Variants in CECR2 observed in about 807,000 individuals in gnomAD.
CECR2 encodes the protein CECR2 histone acetyl-lysine reader.
A neutral mutation model predicts 154.5 loss-of-function variants in CECR2; 30 were observed. That is an observed-to-expected ratio of 0.19 (90% CI 0.15 to 0.26). The LOEUF (loss-of-function observed/expected upper bound fraction) is 0.26, where lower values mean the gene tolerates loss of function less well. Ranked by LOEUF, CECR2 falls within the 10% of genes least tolerant of loss-of-function variation. The pLI is 1.00. For missense variants in CECR2, 1,743 were observed against 1,829.3 expected (o/e 0.95, Z 0.86); for synonymous variants, 725 against 683.7 (o/e 1.06, Z -0.94).
At chr22:17,483,736 T>A (rs1005366980) in intron 2 of CECR2, among the ~76,000 whole-genome samples, 27 of 152,360 alleles carry the variant, frequency 1.8e-4, no homozygotes, top group South Asian at 4.1e-4. Flanking sequence ...AGGTTTTTTT[T>A]AAAATAAACA....
intron 9 of CECR2, 34 bp downstream of exon 9, chr22:17,524,305 C>T (rs1222913650): frequency 2.1e-5 from 34 of 1,597,776 alleles, no homozygotes; most frequent in Non-Finnish European, 2.8e-5. Context: ...TGGAGAGGTG[C>T]ATGTCTGTCG....
chr22:17,535,878 G>A (rs2018494), intron 9 of CECR2, among the ~76,000 whole-genome samples: 7,193 of 152,192 alleles, frequency 0.047, 392 homozygotes, highest in African/African-American at 0.13. Flanking sequence ...AACCCAACAG[G>A]GATCGTGTCT....
At chr22:17,382,602 C>T (rs1362680437) in intron 1 of CECR2, among the ~76,000 whole-genome samples, 3 of 152,132 alleles carry the variant, frequency 2.0e-5, no homozygotes, top group Non-Finnish European at 1.5e-5. Context: ...AATGTATATA[C>T]CTTAATTAAA....
In CECR2 at chr22:17,554,044, A is replaced by G. The variant is rs1043527984; in HGVS notation, c.*1204A>G. ...AATCATAGTAAAATCAGTCATGGTG[A>G]TTTAAAATAGCTATCAAGAACAAGT... On this transcript the variant is annotated 3_prime_UTR_variant, in exon 19 of 19. Transcript: ENST00000262608. 3.9e-4 allele frequency: 60 copies of G among 152,226 alleles called. No individual in the cohort carries two copies. Among genetic ancestry groups the G allele is most frequent in the African/African-American group, 1.4e-3 (56 of 41,466 alleles). 9.4% of individuals were successfully genotyped at this position (152,226 alleles called of 1,614,324 possible). A position where few individuals can be genotyped will look rare whatever the true frequency, so the allele number is the denominator to read the frequency against.
rs695634 is a variant in CECR2 at position 17,532,700 on chromosome 22, C to CTTTTTTTTTT, written c.1109-4377_1109-4368dup. ...CCAAGTAGGTATATTCATTATTATT[C>CTTTTTTTTTT]TTTTTTTTTTTTTTTTTTTTTTTTT... On this transcript the variant is annotated intron_variant, in intron 9 of 18. Transcript: ENST00000262608. 6.4e-3 allele frequency among the ~76,000 whole-genome samples: 229 copies of CTTTTTTTTTT among 35,800 alleles called. 49 individuals are homozygous for CTTTTTTTTTT. Among genetic ancestry groups the CTTTTTTTTTT allele is most frequent in the Non-Finnish European group, 8.0e-3 (172 of 21,422 alleles). The allele number at this position is 35,800 out of a possible 152,430, so 23.5% of individuals were successfully genotyped here.
intron 1 of CECR2, among the ~76,000 whole-genome samples, chr22:17,434,702 TTG>T (rs2054477332): frequency 2.0e-5 from 3 of 150,704 alleles, no homozygotes; most frequent in Admixed American, 6.6e-5. Flanking sequence ...TATGTTCTGT[TTG>T]TGTGTATTTT....
chr22:17,436,747 A>G (rs2054512456), intron 1 of CECR2, among the ~76,000 whole-genome samples: 1 of 152,212 alleles, frequency 6.6e-6, no homozygotes, highest in African/African-American at 2.4e-5. Flanking sequence ...CTCTAGAAAA[A>G]GGGGCGGAGG....
intron 1 of CECR2, among the ~76,000 whole-genome samples, chr22:17,390,120 TCAGGCATTC>T: frequency 6.6e-6 from 1 of 152,356 alleles, no homozygotes; most frequent in Admixed American, 6.5e-5. Flanking sequence ...CAGTCTAGGA[TCAGGCATTC>T]CATTAGTTGT....
At chr22:17,536,941 G>C (rs1361689751) in intron 9 of CECR2, among the ~76,000 whole-genome samples, 162 bp from the exon 10 acceptor site, 1 of 152,104 alleles carries the variant, frequency 6.6e-6, no homozygotes, top group African/African-American at 2.4e-5. Context: ...TCCATCTGTA[G>C]AAACATCCTA....
chr22:17,376,095 G>A (rs984517600), intron 1 of CECR2, among the ~76,000 whole-genome samples: 1 of 152,190 alleles, frequency 6.6e-6, no homozygotes, highest in African/African-American at 2.4e-5. Flanking sequence ...GTGAATTACA[G>A]AAGGACAGAT....
Position 17,477,925 on chromosome 22 carries a change from T to A in CECR2, c.221+243T>A, listed in dbSNP as rs1330333045. ...CAAATCCATATCACTTACTCTTGGA[T>A]ACCCCAGCTAACATATTTTAGTGTA... On this transcript the variant is annotated intron_variant, in intron 2 of 18. Transcript: ENST00000262608. 3.9e-5 allele frequency among the ~76,000 whole-genome samples: 6 copies of A among 152,260 alleles called. No homozygotes were observed. The South Asian group carries it at 8.3e-4, about 21-fold the overall frequency.
In CECR2 at chr22:17,552,970, C is replaced by A; in HGVS notation, c.*130C>A. 6.7e-7 allele frequency: 1 copy of A among 1,489,006 alleles called. No homozygotes were observed. The highest frequency in any genetic ancestry group is 2.6e-5 in the Admixed American group (1 of 38,400). 92.2% of individuals were successfully genotyped at this position (1,489,006 alleles called of 1,614,324 possible). On this transcript the variant is annotated 3_prime_UTR_variant, in exon 19 of 19. Coordinates refer to ENST00000262608, the MANE Select transcript of CECR2 (RefSeq NM_001290047.2). ...CCCCTTCACGGCGACCCACTCGTGCCATACTTGAGCTGGAGCCAGTCACGG... is the reference window on the plus strand; with the variant it reads ...CCCCTTCACGGCGACCCACTCGTGCAATACTTGAGCTGGAGCCAGTCACGG...
intron 1 of CECR2, among the ~76,000 whole-genome samples, chr22:17,417,984 T>A (rs1555906360): frequency 6.6e-6 from 1 of 150,878 alleles, no homozygotes; most frequent in Non-Finnish European, 1.5e-5. Flanking sequence ...TTCTTAGCCT[T>A]AAAAAAAAAC....
At chr22:17,444,597 C>T (rs902944532) in intron 1 of CECR2, among the ~76,000 whole-genome samples, 3 of 151,832 alleles carry the variant, frequency 2.0e-5, no homozygotes, top group South Asian at 2.1e-4. Context: ...CTAGCCTGGG[C>T]GACAAAGTGA....
chr22:17,364,062 T>C (rs2062989277), intron 1 of CECR2, among the ~76,000 whole-genome samples: 1 of 151,878 alleles, frequency 6.6e-6, no homozygotes, highest in African/African-American at 2.4e-5. Context: ...TGTGCCATAC[T>C]CCCGGGCGCG....
intron 1 of CECR2, chr22:17,477,042 A>T (rs2055219318): frequency 2.8e-6 from 2 of 702,606 alleles, no homozygotes; most frequent in East Asian, 5.4e-5. Context: ...ATCACCTTTC[A>T]TCAGCCATGT....
chr22:17,502,868 A>G (rs2055764320), intron 5 of CECR2, among the ~76,000 whole-genome samples: 1 of 152,224 alleles, frequency 6.6e-6, no homozygotes, highest in South Asian at 2.1e-4. Flanking sequence ...GCCATAACAT[A>G]GGGTAGCTGT....
At chr22:17,466,499 C>A (rs2055034661) in intron 1 of CECR2, among the ~76,000 whole-genome samples, 1 of 152,060 alleles carries the variant, frequency 6.6e-6, no homozygotes, top group African/African-American at 2.4e-5. Flanking sequence ...GCCATTAATA[C>A]CTACTTTGAA....
chr22:17,461,066 G>T (rs1394725475), intron 1 of CECR2, among the ~76,000 whole-genome samples: 1 of 152,172 alleles, frequency 6.6e-6, no homozygotes, highest in East Asian at 1.9e-4. Context: ...CAGCATCAGG[G>T]AATCACCCAT....
Sources: allele counts gnomAD v4.1 joint callset (sites outside exome capture counted in the v4.1 genomes callset), GRCh38; gene constraint gnomAD v4.1.1; transcripts MANE v1.5; gene names NCBI Gene and HGNC (gene_info 2026-07-23, HGNC 2026-07-21).